The following RASD2 variants were observed in gnomAD, a reference collection of about 807,000 sequenced individuals.
RASD2 encodes RASD family member 2, also known as GTP-binding protein Rhes.
In RASD2, 7 loss-of-function variants were observed where a neutral mutation model predicts 15.8. The ratio of observed to expected loss-of-function variants is 0.44; its 90% confidence interval spans 0.25 to 0.83. RASD2 has a LOEUF of 0.83. Among genes scored for constraint, RASD2 ranks in the 40% least tolerant of loss-of-function variants. The probability of loss-of-function intolerance (pLI) is 0.20; values close to 1 mark genes in which losing one functional copy is unlikely to be tolerated. For synonymous variants in RASD2, 155 were observed against 153.6 expected (o/e 1.01, Z -0.07); for missense variants, 274 against 382.8 (o/e 0.72, Z 2.37).
chr22:35,533,943 GTGA>G, the RASD2 span, among the ~76,000 whole-genome samples: 89 of 151,866 alleles, frequency 5.9e-4, 1 homozygote, highest in South Asian at 0.011. Flanking sequence ...GATGATGATG[GTGA>G]TGATGACGGT....
chr22:35,549,901 C>T (rs1485197940), intron 2 of RASD2, among the ~76,000 whole-genome samples: 3 of 152,192 alleles, frequency 2.0e-5, no homozygotes, highest in African/African-American at 7.2e-5. Context: ...ATTGCTGATT[C>T]CTCTGGGCCT....
At chr22:35,549,214 G>A (rs563368868) in intron 2 of RASD2, among the ~76,000 whole-genome samples, 147 of 151,928 alleles carry the variant, frequency 9.7e-4, no homozygotes, top group African/African-American at 2.1e-3. Context: ...CCGGGCCTCC[G>A]TGACTACACC....
chr22:35,546,747 TGGTGGGGCCAGGTC>T, intron 1 of RASD2, 40 bp from the exon 2 acceptor site: 1 of 1,571,482 alleles, frequency 6.4e-7, no homozygotes, highest in Non-Finnish European at 8.6e-7. Flanking sequence ...GGCCAAGAGG[TGGTGGGGCCAGGTC>T]GGGGGGGCCC....
chr22:35,545,143 C>G (rs1934462224), intron 1 of RASD2, among the ~76,000 whole-genome samples: 1 of 152,144 alleles, frequency 6.6e-6, no homozygotes, highest in South Asian at 2.1e-4. Flanking sequence ...GGCAATAGGG[C>G]TTTTAACAAA....
At chr22:35,540,789 T>A (rs1338328238), upstream of RASD2, 1 of 152,326 alleles carries the variant, frequency 6.6e-6, no homozygotes, top group East Asian at 1.9e-4. Context: ...CTGCGAAACC[T>A]TGGGGCGGCG....
At chr22:35,535,047 T>C in the RASD2 span, among the ~76,000 whole-genome samples, 1 of 152,190 alleles carries the variant, frequency 6.6e-6, no homozygotes, top group African/African-American at 2.4e-5. Flanking sequence ...GAGGACCCCA[T>C]GACAGATTAT....
In RASD2 at chr22:35,541,415, C is replaced by T. The variant is rs1360547943; in HGVS notation, c.-95C>T. 3 of 152,242 alleles carry T rather than the reference C, an allele frequency of 2.0e-5. No individual in the cohort carries two copies. Among genetic ancestry groups the T allele is most frequent in the African/African-American group, 7.2e-5 (3 of 41,440 alleles). The allele number at this position is 152,242 out of a possible 1,614,324, so 9.4% of individuals were successfully genotyped here. On this transcript the variant is annotated 5_prime_UTR_variant, in exon 1 of 3. Coordinates refer to ENST00000216127, the MANE Select transcript of RASD2 (RefSeq NM_014310.4). The stretch of plus-strand genomic sequence containing the variant: ...CCACAGACTCTGGGAGGCTCGGCGG[C>T]TGGAGCAGCAGGCAGCTCCCCGCAG...
intron 2 of RASD2, among the ~76,000 whole-genome samples, chr22:35,548,589 C>T (rs574390702): frequency 1.3e-5 from 2 of 152,320 alleles, no homozygotes; most frequent in East Asian, 3.9e-4. Flanking sequence ...CCACTCCCAG[C>T]CCTGCTGCCG....
At chr22:35,545,238 G>T (rs111779891) in intron 1 of RASD2, among the ~76,000 whole-genome samples, 3 of 152,184 alleles carry the variant, frequency 2.0e-5, no homozygotes, top group Non-Finnish European at 2.9e-5. Flanking sequence ...GGACTCGCAC[G>T]CAGGCAATCT....
the RASD2 span, among the ~76,000 whole-genome samples, chr22:35,535,736 C>T: frequency 2.0e-5 from 3 of 152,200 alleles, no homozygotes; most frequent in East Asian, 5.8e-4. Context: ...CAGGGAACTA[C>T]AAGTCAGTGT....
Position 35,551,451 on chromosome 22 carries a change from G to C in RASD2, c.272-52G>C. On this transcript the variant is annotated intron_variant, in intron 2 of 2. Transcript: ENST00000216127. The surrounding 1 kb of genome is among the most constrained non-coding windows in gnomAD (Gnocchi z 4.9). The stretch of plus-strand genomic sequence containing the variant: ...GCTGATGTTCTGTGGCCAGAGGAGG[G>C]CAGGGGTTGCAGCTGGCCGGTGAAC... 6.4e-7 allele frequency: 1 copy of C among 1,562,846 alleles called. No homozygotes were observed. The highest frequency in any genetic ancestry group is 8.7e-7 in the Non-Finnish European group (1 of 1,145,472).
At chr22:35,550,090 G>A (rs573710080) in intron 2 of RASD2, among the ~76,000 whole-genome samples, 9 of 151,978 alleles carry the variant, frequency 5.9e-5, no homozygotes, top group Non-Finnish European at 8.8e-5. Context: ...GTGAAACACC[G>A]TCTCTACTAA....
chr22:35,546,049 C>G (rs1368371631), intron 1 of RASD2, among the ~76,000 whole-genome samples: 1 of 152,170 alleles, frequency 6.6e-6, no homozygotes, highest in Admixed American at 6.5e-5. Flanking sequence ...CATTCCACAT[C>G]CTCTACTCCG....
chr22:35,533,838 A>G, the RASD2 span, among the ~76,000 whole-genome samples: 160 of 151,068 alleles, frequency 1.1e-3, no homozygotes, highest in African/African-American at 3.8e-3. Context: ...GATGATGGTG[A>G]TGATGGGGAT....
the RASD2 span, among the ~76,000 whole-genome samples, chr22:35,535,415 G>A: frequency 4.0e-4 from 49 of 122,608 alleles, no homozygotes; most frequent in Admixed American, 1.1e-3. Context: ...AAAAAAAAAA[G>A]AAAAAAAAAA....
chr22:35,539,796 A>G (rs1934297080), upstream of RASD2, among the ~76,000 whole-genome samples: 1 of 152,240 alleles, frequency 6.6e-6, no homozygotes, highest in African/African-American at 2.4e-5. Context: ...ATTTTAAAAA[A>G]TATATTAAGT....
chr22:35,536,896 G>GTT (rs1934254510), upstream of RASD2, among the ~76,000 whole-genome samples: 2 of 152,186 alleles, frequency 1.3e-5, no homozygotes, highest in South Asian at 4.1e-4. Context: ...AGCAACCCTG[G>GTT]GTGCACATTA....
chr22:35,534,561 G>A, the RASD2 span, among the ~76,000 whole-genome samples: 25 of 152,292 alleles, frequency 1.6e-4, no homozygotes, highest in Non-Finnish European at 2.9e-4. Flanking sequence ...GTCCACTCCA[G>A]CTCTTTCTCT....
chr22:35,552,490 C>G lies in RASD2; in HGVS notation c.*458C>G. ...GTGGCAGCTGGGAGAACTTCTCTCC[C>G]AGCCCTGCAACTCTTACGCTCTGGT... On this transcript the variant is annotated 3_prime_UTR_variant, in exon 3 of 3. Coordinates refer to ENST00000216127, the MANE Select transcript of RASD2 (RefSeq NM_014310.4). 6.1e-6 allele frequency: 1 copy of G among 163,052 alleles called. No homozygotes were observed. The highest frequency in any genetic ancestry group is 1.3e-5 in the Non-Finnish European group (1 of 74,686). The allele number at this position is 163,052 out of a possible 1,614,324, so 10.1% of individuals were successfully genotyped here.
Sources: allele counts gnomAD v4.1 joint callset (sites outside exome capture counted in the v4.1 genomes callset), GRCh38; gene constraint gnomAD v4.1.1; non-coding constraint Gnocchi (gnomAD v3.1); transcripts MANE v1.5; gene names NCBI Gene and HGNC (gene_info 2026-07-23, HGNC 2026-07-21).